The following TGFBRAP1 variants were observed in gnomAD, a reference collection of about 807,000 sequenced individuals.
TGFBRAP1 encodes the protein transforming growth factor beta receptor associated protein 1, also known as transforming growth factor-beta receptor-associated protein 1.
In TGFBRAP1, 20 loss-of-function variants were observed where a neutral mutation model predicts 83.2. That is an observed-to-expected ratio of 0.24 (90% CI 0.17 to 0.35). The LOEUF is 0.35. Among genes scored for constraint, TGFBRAP1 ranks in the 10% least tolerant of loss-of-function variants. TGFBRAP1 has a pLI of 1.00. For missense variants in TGFBRAP1, 950 were observed against 1,099.4 expected (o/e 0.86, Z 1.92); for synonymous variants, 415 against 459.8 (o/e 0.90, Z 1.25).
chr2:105,321,956 AT>A (rs1375704624), intron 1 of TGFBRAP1, among the ~76,000 whole-genome samples: 1 of 152,214 alleles, frequency 6.6e-6, no homozygotes, highest in Non-Finnish European at 1.5e-5. Context: ...ACACCTACTT[AT>A]GCAGGAAAAA....
intron 1 of TGFBRAP1, among the ~76,000 whole-genome samples, chr2:105,321,623 G>C (rs959961323): frequency 1.3e-5 from 2 of 152,182 alleles, no homozygotes; most frequent in Non-Finnish European, 2.9e-5. Flanking sequence ...TCCATCACAG[G>C]GGAAAACTGA....
In TGFBRAP1 at chr2:105,279,840, C is replaced by T. The variant is rs185690529; in HGVS notation, c.1463+542G>A. Among the ~76,000 whole-genome samples, 294 of 152,120 alleles carry T rather than the reference C, an allele frequency of 1.9e-3. 2 individuals are homozygous for T. The highest frequency in any genetic ancestry group is 6.6e-3 in the African/African-American group (274 of 41,516). On this transcript the variant is annotated intron_variant, in intron 6 of 11. Coordinates refer to ENST00000393359, the MANE Select transcript of TGFBRAP1 (RefSeq NM_004257.6). ...ACCACCTGAGGTCAGGAGTTCTAGACCAGCCTGGCCAACATGGCAAAACCC... is the reference window on the plus strand; with the variant it reads ...ACCACCTGAGGTCAGGAGTTCTAGATCAGCCTGGCCAACATGGCAAAACCC...
At chr2:105,250,575 C>A in the TGFBRAP1 span, among the ~76,000 whole-genome samples, 3 of 90,022 alleles carry the variant, frequency 3.3e-5, no homozygotes, top group Non-Finnish European at 6.1e-5. Flanking sequence ...TCCTCCTCTC[C>A]CTCTCCCTCC....
At chr2:105,287,437 T>C (rs980043878) in intron 4 of TGFBRAP1, among the ~76,000 whole-genome samples, 1 of 152,242 alleles carries the variant, frequency 6.6e-6, no homozygotes, top group African/African-American at 2.4e-5. Flanking sequence ...ATTTTGGTAG[T>C]AGCCAAAGGC....
intron 5 of TGFBRAP1, among the ~76,000 whole-genome samples, chr2:105,281,319 G>A (rs11890395): frequency 0.037 from 5,578 of 152,192 alleles, 346 homozygotes; most frequent in African/African-American, 0.13. Flanking sequence ...TCTCCTCTCC[G>A]GAACCTCCTT....
At chr2:105,282,264 G>C (rs1449171529) in intron 5 of TGFBRAP1, among the ~76,000 whole-genome samples, 3 of 152,184 alleles carry the variant, frequency 2.0e-5, no homozygotes, top group African/African-American at 7.2e-5. Flanking sequence ...AATGAAAGAA[G>C]AGCTGAACCT....
chr2:105,302,316 T>C (rs985474327), intron 2 of TGFBRAP1, among the ~76,000 whole-genome samples: 1 of 152,178 alleles, frequency 6.6e-6, no homozygotes, highest in Non-Finnish European at 1.5e-5. Context: ...ACTTTGACTC[T>C]GCTATCTCAT....
At position 105,267,293 on chromosome 2, in the gene TGFBRAP1, C is replaced by G. The variant is rs1676975524; in HGVS notation, c.*90G>C. 2.6e-6 allele frequency: 4 copies of G among 1,535,012 alleles called. No homozygotes were observed. The highest frequency in any genetic ancestry group is 3.5e-6 in the Non-Finnish European group (4 of 1,137,364). ...ACCCAGATGTCTCCCTTCGTCCTGG[C>G]TGACACAGAGCATGGTGGTCATCTG... On this transcript the variant is annotated 3_prime_UTR_variant, in exon 12 of 12. Transcript: ENST00000393359.
chr2:105,294,616 A>C (rs906565336), intron 4 of TGFBRAP1, among the ~76,000 whole-genome samples: 1 of 152,134 alleles, frequency 6.6e-6, no homozygotes, highest in Non-Finnish European at 1.5e-5. Context: ...GTGTATTTCC[A>C]GGGCTGGAGA....
chr2:105,329,519 C>T (rs2104431299), intron 1 of TGFBRAP1, 106 bp downstream of exon 1: 2 of 146,542 alleles, frequency 1.4e-5, no homozygotes, highest in South Asian at 4.3e-4. Flanking sequence ...GCTCGCCCTC[C>T]ACCCCGCCCC....
downstream of TGFBRAP1, among the ~76,000 whole-genome samples, chr2:105,261,031 T>G (rs549513498): frequency 2.0e-5 from 3 of 152,186 alleles, no homozygotes; most frequent in Admixed American, 6.5e-5. Context: ...GTTAAGAAAG[T>G]AAGTTTAGGA....
chr2:105,273,707 A>G lies in TGFBRAP1; in HGVS notation c.1666-17T>C. On this transcript the variant is annotated splice_polypyrimidine_tract_variant and intron_variant, in intron 8 of 11. Coordinates refer to ENST00000393359, the MANE Select transcript of TGFBRAP1 (RefSeq NM_004257.6). ...AACTCCGACCTGAAAGAGGAGCGACAATACAGTGACTGTGCTTCCCAAACC... is the reference window on the plus strand; with the variant it reads ...AACTCCGACCTGAAAGAGGAGCGACGATACAGTGACTGTGCTTCCCAAACC... 2 of 1,613,114 alleles carry G rather than the reference A, an allele frequency of 1.2e-6. No individual in the cohort carries two copies. The highest frequency in any genetic ancestry group is 1.7e-6 in the Non-Finnish European group (2 of 1,179,502).
chr2:105,312,894 C>T (rs904180896), intron 1 of TGFBRAP1, among the ~76,000 whole-genome samples: 1 of 152,092 alleles, frequency 6.6e-6, no homozygotes, highest in Non-Finnish European at 1.5e-5. Flanking sequence ...GGTGGACCAC[C>T]TGAGGTCAGG....
At chr2:105,263,467 G>A (rs1030891096), downstream of TGFBRAP1, among the ~76,000 whole-genome samples, 11 of 152,154 alleles carry the variant, frequency 7.2e-5, no homozygotes, top group African/African-American at 2.7e-4. Context: ...AAGAAAACAC[G>A]CTTGACACAC....
At chr2:105,274,247 G>T (rs1677260977) in intron 8 of TGFBRAP1, among the ~76,000 whole-genome samples, 1 of 152,194 alleles carries the variant, frequency 6.6e-6, no homozygotes, top group Non-Finnish European at 1.5e-5. Flanking sequence ...TGTCCATCAA[G>T]TGGAGGCACT....
At chr2:105,296,714 T>C (rs377391865) in intron 3 of TGFBRAP1, among the ~76,000 whole-genome samples, 1 of 149,340 alleles carries the variant, frequency 6.7e-6, no homozygotes, top group Non-Finnish European at 1.5e-5. Context: ...AAACTCTTAC[T>C]ATGACATTTC....
At position 105,269,139 on chromosome 2, in the gene TGFBRAP1, T is replaced by G; in HGVS notation, c.2406+133A>C. On this transcript the variant is annotated intron_variant, in intron 11 of 11. Transcript: ENST00000393359. This position sits in a 1 kb window ranked among gnomAD's most constrained non-coding sequence, Gnocchi z 4.1. ...CAGACCTCAGTTTCTATGAGTAGGA[T>G]CAGATATTGATGTGTTGTAGTCATA... 1 of 1,154,436 alleles carries G rather than the reference T, an allele frequency of 8.7e-7. No homozygotes were observed. Among genetic ancestry groups the G allele is most frequent in the Non-Finnish European group, 1.2e-6 (1 of 845,062 alleles). The allele number at this position is 1,154,436 out of a possible 1,614,324, so 71.5% of individuals were successfully genotyped here. A position where few individuals can be genotyped will look rare whatever the true frequency, so the allele number is the denominator to read the frequency against.
rs1322611170 is a variant in TGFBRAP1, at chr2:105,266,772, AGAAG to A, written c.*607_*610del. 6.6e-6 allele frequency: 1 copy of A among 152,388 alleles called. No homozygotes were observed. The highest frequency in any genetic ancestry group is 1.5e-5 in the Non-Finnish European group (1 of 68,156). The allele number at this position is 152,388 out of a possible 1,614,324, so 9.4% of individuals were successfully genotyped here. On this transcript the variant is annotated 3_prime_UTR_variant, in exon 12 of 12. Transcript: ENST00000393359. ...GGAGCTGAGAGCCGGAGAGGAAGAA[AGAAG>A]GAACAAAGGTACTTCTCCAGGGTCA...
downstream of TGFBRAP1, among the ~76,000 whole-genome samples, chr2:105,259,687 G>T (rs563279792): frequency 1.3e-5 from 2 of 152,326 alleles, no homozygotes; most frequent in Non-Finnish European, 2.9e-5. Flanking sequence ...TCTGTCATCT[G>T]CTCTGACCTA....
Sources: allele counts gnomAD v4.1 joint callset (sites outside exome capture counted in the v4.1 genomes callset), GRCh38; gene constraint gnomAD v4.1.1; non-coding constraint Gnocchi (gnomAD v3.1); transcripts MANE v1.5; gene names NCBI Gene and HGNC (gene_info 2026-07-23, HGNC 2026-07-21).